KRAS: variants seen among roughly 807,000 people sequenced by gnomAD.
KRAS encodes the protein GTPase KRas.
In KRAS, 1 loss-of-function variant was observed where a neutral mutation model predicts 21.0. The ratio of observed to expected loss-of-function variants is 0.05; its 90% CI spans 0.02 to 0.23. KRAS has a LOEUF of 0.23. Among genes scored for constraint, KRAS ranks in the 10% least tolerant of loss-of-function variants. The probability of loss-of-function intolerance (pLI) is 1.00; values close to 1 mark genes in which losing one functional copy is unlikely to be tolerated. For synonymous variants in KRAS, 67 were observed against 72.5 expected (o/e 0.92, Z 0.39); for missense variants, 107 against 221.8 (o/e 0.48, Z 3.29).
intron 2 of KRAS, chr12:25,234,926 AAAACCTAAAG>A (rs2135793669): frequency 3.9e-6 from 1 of 256,850 alleles, no homozygotes; most frequent in African/African-American, 2.2e-5. Context: ...TAGTAAACAA[AAAACCTAAAG>A]AAACTAATAA....
At chr12:25,243,355 T>TTTC (rs1231105548) in intron 2 of KRAS, among the ~76,000 whole-genome samples, 2 of 152,168 alleles carry the variant, frequency 1.3e-5, no homozygotes, top group Admixed American at 1.3e-4. Flanking sequence ...GGACCGTCAG[T>TTTC]TTCAAAGTTC....
rs1951131987 is a variant in KRAS, at chr12:25,205,848, G to GTATC, written c.*3943_*3946dup. The GTATC allele has an allele frequency of 4.6e-6, 1 of 215,582 alleles. No homozygotes were observed. Among genetic ancestry groups the GTATC allele is most frequent in the Non-Finnish European group, 9.3e-6 (1 of 107,020 alleles). The allele number at this position is 215,582 out of a possible 1,614,324, so 13.4% of individuals were successfully genotyped here. ...GACTATTCTTCAAGAACTCATGTGA[G>GTATC]TATCTTTCTTTAGAAAGAAAGTTTC... On this transcript the variant is annotated 3_prime_UTR_variant, in exon 5 of 5. Coordinates refer to ENST00000311936, the MANE Select transcript of KRAS (RefSeq NM_004985.5).
chr12:25,243,784 A>G (rs1172408413), intron 2 of KRAS, among the ~76,000 whole-genome samples: 1 of 152,222 alleles, frequency 6.6e-6, no homozygotes, highest in Admixed American at 6.5e-5. Flanking sequence ...AATTTGCAAT[A>G]CAGATTAAAA....
At chr12:25,237,709 G>C (rs1194097063) in intron 2 of KRAS, among the ~76,000 whole-genome samples, 1 of 152,136 alleles carries the variant, frequency 6.6e-6, no homozygotes, top group Non-Finnish European at 1.5e-5. Context: ...AGGTAAAACT[G>C]CATACAGGAC....
intron 1 of KRAS, among the ~76,000 whole-genome samples, chr12:25,248,941 T>C (rs1951725565): frequency 6.6e-6 from 1 of 152,250 alleles, no homozygotes; most frequent in African/African-American, 2.4e-5. Context: ...AGTCAGCATT[T>C]TGGACCTCAG....
At position 25,208,149 on chromosome 12, in the gene KRAS, A is replaced by G. The variant is rs1294325159; in HGVS notation, c.*1646T>C. 4.5e-6 allele frequency: 1 copy of G among 223,778 alleles called. No individual in the cohort carries two copies. The highest frequency in any genetic ancestry group is 6.2e-5 in the Admixed American group (1 of 16,114). The allele number at this position is 223,778 out of a possible 1,614,324, so 13.9% of individuals were successfully genotyped here. The stretch of plus-strand genomic sequence containing the variant: ...ATAAGTGTATCCTTATGTAAATGGA[A>G]TATAAATTACATAGTTGTAAAAAAA... On this transcript the variant is annotated 3_prime_UTR_variant, in exon 5 of 5. Coordinates refer to ENST00000311936, the MANE Select transcript of KRAS (RefSeq NM_004985.5).
At chr12:25,243,666 G>A (rs757901158) in intron 2 of KRAS, among the ~76,000 whole-genome samples, 1 of 152,120 alleles carries the variant, frequency 6.6e-6, no homozygotes, top group South Asian at 2.1e-4. Flanking sequence ...AGCATTTCCA[G>A]TAAAATCACC....
intron 4 of KRAS, among the ~76,000 whole-genome samples, chr12:25,220,962 T>C (rs1477790639): frequency 2.1e-5 from 3 of 141,562 alleles, no homozygotes; most frequent in African/African-American, 8.1e-5. Context: ...GAGGAGGAGG[T>C]TGCAATCAGC....
chr12:25,219,222 CACCGT>C (rs1951290829), intron 4 of KRAS, among the ~76,000 whole-genome samples: 1 of 152,208 alleles, frequency 6.6e-6, no homozygotes, highest in African/African-American at 2.4e-5. Context: ...AGGCATGAGC[CACCGT>C]GCCTAGCCTA....
chr12:25,250,517 C>T (rs1951752846), intron 1 of KRAS, among the ~76,000 whole-genome samples: 1 of 152,236 alleles, frequency 6.6e-6, no homozygotes, highest in East Asian at 1.9e-4. Flanking sequence ...CGACCGCCTC[C>T]AGCCTCACCC....
At position 25,230,901 on chromosome 12, in the gene KRAS, C is replaced by T. The variant is rs1397685402; in HGVS notation, c.112-3489G>A. Among the ~76,000 whole-genome samples, 3 of 151,958 alleles carry T rather than the reference C, an allele frequency of 2.0e-5. No individual in the cohort carries two copies. The East Asian group carries it at 5.8e-4, about 29-fold the overall frequency. On this transcript the variant is annotated intron_variant, in intron 2 of 4. Coordinates refer to ENST00000311936, the MANE Select transcript of KRAS (RefSeq NM_004985.5). ...TTCAGTTGACATTTACTTAATTTAGCCTATTCTCTTATTAAATACTTGAAA... is the reference window on the plus strand; with the variant it reads ...TTCAGTTGACATTTACTTAATTTAGTCTATTCTCTTATTAAATACTTGAAA...
chr12:25,215,637 A>C, intron 4 of KRAS: 1 of 1,245,610 alleles, frequency 8.0e-7, no homozygotes, highest in Non-Finnish European at 1.2e-6. Context: ...ATGTGCAAGA[A>C]GTTTGAGATT....
At chr12:25,229,955 G>A (rs1256999756) in intron 2 of KRAS, among the ~76,000 whole-genome samples, 1 of 151,876 alleles carries the variant, frequency 6.6e-6, no homozygotes, top group Non-Finnish European at 1.5e-5. Flanking sequence ...TGTTTTTTTA[G>A]TAGAGATGGG....
At chr12:25,223,150 TC>T (rs1951349400) in intron 4 of KRAS, among the ~76,000 whole-genome samples, 1 of 152,226 alleles carries the variant, frequency 6.6e-6, no homozygotes, top group Non-Finnish European at 1.5e-5. Flanking sequence ...TTAAATTTTT[TC>T]TTTTCTTTGT....
In KRAS at chr12:25,215,550, T is replaced by C. The variant is rs989151052; in HGVS notation, c.451-5639A>G. ...CTCTCTCACCAATGTATAAAAAGCA[T>C]CCTCCACTCTCTGCATTGTAAAACA... On this transcript the variant is annotated intron_variant, in intron 4 of 4. Transcript: ENST00000311936. The C allele has an allele frequency of 2.5e-6, 4 of 1,610,910 alleles. No individual in the cohort carries two copies. Among genetic ancestry groups the C allele is most frequent in the South Asian group, 2.2e-5 (2 of 91,006 alleles).
At chr12:25,225,402 G>T (rs1951379740) in intron 4 of KRAS, 1 of 436,628 alleles carries the variant, frequency 2.3e-6, no homozygotes. Flanking sequence ...CAGAATTGAA[G>T]AGAAATTTTC....
chr12:25,247,398 C>A (rs949029676), intron 1 of KRAS, among the ~76,000 whole-genome samples: 11 of 152,186 alleles, frequency 7.2e-5, no homozygotes, highest in African/African-American at 2.4e-4. Context: ...GCATAGTTCC[C>A]CGCCTTACTC....
chr12:25,221,916 C>T (rs963954174), intron 4 of KRAS, among the ~76,000 whole-genome samples: 2 of 151,956 alleles, frequency 1.3e-5, no homozygotes, highest in South Asian at 4.1e-4. Flanking sequence ...TTTGGGAGGC[C>T]GAGGCAGGTG....
At chr12:25,248,393 C>A (rs1313793166) in intron 1 of KRAS, among the ~76,000 whole-genome samples, 1 of 147,576 alleles carries the variant, frequency 6.8e-6, no homozygotes. Context: ...GAGGTAGTAG[C>A]GGGCCGAGAT....
Sources: allele counts gnomAD v4.1 joint callset (sites outside exome capture counted in the v4.1 genomes callset), GRCh38; gene constraint gnomAD v4.1.1; transcripts MANE v1.5; gene names NCBI Gene and HGNC (gene_info 2026-07-23, HGNC 2026-07-21).